The following NRF1 variants were observed in gnomAD, a reference collection of about 807,000 sequenced individuals.
NRF1 encodes alpha palindromic-binding protein.
In NRF1, 5 loss-of-function variants were observed where a neutral mutation model predicts 58.5. That is an observed-to-expected ratio of 0.09 (90% CI 0.04 to 0.18). The LOEUF (loss-of-function observed/expected upper bound fraction) is 0.18, where lower values mean the gene tolerates loss of function less well. Ranked by LOEUF, NRF1 falls within the 10% of genes least tolerant of loss-of-function variation. The probability of loss-of-function intolerance (pLI) is 1.00; values close to 1 mark genes in which losing one functional copy is unlikely to be tolerated. For synonymous variants in NRF1, 224 were observed against 246.7 expected (o/e 0.91, Z 0.86); for missense variants, 288 against 657.7 (o/e 0.44, Z 6.15).
chr7:129,641,514 G>T (rs1171090741), intron 1 of NRF1, among the ~76,000 whole-genome samples: 2 of 151,984 alleles, frequency 1.3e-5, no homozygotes, highest in Non-Finnish European at 2.9e-5. Flanking sequence ...ACCAAGTATT[G>T]TGTGCTTTCC....
intron 4 of NRF1, among the ~76,000 whole-genome samples, chr7:129,684,601 A>G (rs1309305631): frequency 6.6e-6 from 1 of 152,228 alleles, no homozygotes; most frequent in Non-Finnish European, 1.5e-5. Context: ...ATAATTCCCT[A>G]ATCTTATACC....
In NRF1 at chr7:129,736,354, T is replaced by C. The variant is rs148368817; in HGVS notation, c.1348+8989T>C. On this transcript the variant is annotated intron_variant, in intron 10 of 10. Transcript: ENST00000393232. ...TGGAGTGCAGTGGCACAATCTTAGC[T>C]CACTGCAACCTCCACCTCCTGGGTT... 2.1e-3 allele frequency among the ~76,000 whole-genome samples: 308 copies of C among 147,226 alleles called. 3 individuals are homozygous for C. The highest frequency in any genetic ancestry group is 6.9e-3 in the African/African-American group (277 of 39,898).
intron 1 of NRF1, among the ~76,000 whole-genome samples, chr7:129,625,675 A>ATTTT (rs56694598): frequency 0.021 from 1,862 of 88,952 alleles, 58 homozygotes; most frequent in East Asian, 0.042. Flanking sequence ...TAATGTTTTA[A>ATTTT]TTTTTTTTTT....
At chr7:129,743,374 G>A (rs867015393) in intron 10 of NRF1, among the ~76,000 whole-genome samples, 2 of 152,330 alleles carry the variant, frequency 1.3e-5, no homozygotes, top group African/African-American at 2.4e-5. Context: ...CCAAGAGTGT[G>A]TAAACAAGTT....
chr7:129,751,402 G>A (rs1804112161), intron 10 of NRF1, among the ~76,000 whole-genome samples: 1 of 152,178 alleles, frequency 6.6e-6, no homozygotes, highest in Admixed American at 6.5e-5. Flanking sequence ...GATGATGGCA[G>A]TATCAGCCAA....
chr7:129,722,352 G>A (rs1803346884), intron 9 of NRF1, among the ~76,000 whole-genome samples: 1 of 150,860 alleles, frequency 6.6e-6, no homozygotes, highest in South Asian at 2.1e-4. Flanking sequence ...GATCACACCA[G>A]TGCACTCCAG....
chr7:129,707,309 T>A (rs1323566790), intron 5 of NRF1, among the ~76,000 whole-genome samples: 1 of 152,214 alleles, frequency 6.6e-6, no homozygotes, highest in Non-Finnish European at 1.5e-5. Context: ...TAGGATTTTG[T>A]TAATTTAGAA....
At chr7:129,618,895 AT>A (rs553836518) in intron 1 of NRF1, among the ~76,000 whole-genome samples, 1 of 152,096 alleles carries the variant, frequency 6.6e-6, no homozygotes, top group Non-Finnish European at 1.5e-5. Context: ...TTTATACAAT[AT>A]TTTAAATAAT....
At chr7:129,675,344 T>C (rs950101984) in intron 3 of NRF1, among the ~76,000 whole-genome samples, 2 of 152,240 alleles carry the variant, frequency 1.3e-5, no homozygotes, top group African/African-American at 2.4e-5. Flanking sequence ...TCCATTAATG[T>C]TGATAGTTTG....
intron 2 of NRF1, among the ~76,000 whole-genome samples, chr7:129,670,267 C>G (rs942314986): frequency 6.6e-6 from 1 of 152,150 alleles, no homozygotes; most frequent in Non-Finnish European, 1.5e-5. Flanking sequence ...TTATAGTTAG[C>G]AATGATGTGT....
rs951635705 is a variant in NRF1, at chr7:129,756,930, CCT to C, written c.*1750_*1751del. ...GTCCAGGGACTTTAAAGTCCATGTT[CCT>C]TTGTGGTGAAATAACCTCCAAATAG... On this transcript the variant is annotated 3_prime_UTR_variant, in exon 11 of 11. Transcript: ENST00000393232. 55 of 152,440 alleles carry C rather than the reference CCT, an allele frequency of 3.6e-4. No homozygotes were observed. Among genetic ancestry groups the C allele is most frequent in the African/African-American group, 1.3e-3 (55 of 41,356 alleles). The allele number at this position is 152,440 out of a possible 1,614,324, so 9.4% of individuals were successfully genotyped here. A position where few individuals can be genotyped will look rare whatever the true frequency, so the allele number is the denominator to read the frequency against.
chr7:129,671,327 A>G (rs952796152), intron 2 of NRF1, 102 bp from the exon 3 acceptor site: 1 of 644,632 alleles, frequency 1.6e-6, no homozygotes, highest in Non-Finnish European at 2.8e-6. Context: ...ACCGACAACA[A>G]TATTAGGAAA....
At chr7:129,750,679 T>C (rs898216465) in intron 10 of NRF1, among the ~76,000 whole-genome samples, 1 of 152,228 alleles carries the variant, frequency 6.6e-6, no homozygotes, top group Non-Finnish European at 1.5e-5. Context: ...GAGCTTTGGG[T>C]GGGGACCATT....
At chr7:129,749,424 A>G (rs1489399352) in intron 10 of NRF1, among the ~76,000 whole-genome samples, 1 of 147,354 alleles carries the variant, frequency 6.8e-6, no homozygotes, top group Non-Finnish European at 1.5e-5. Context: ...CTCAAGAATG[A>G]TACACATTAA....
intron 5 of NRF1, among the ~76,000 whole-genome samples, chr7:129,702,332 C>CT (rs1326275526): frequency 6.6e-6 from 1 of 152,154 alleles, no homozygotes; most frequent in Non-Finnish European, 1.5e-5. Flanking sequence ...AGAGAGGAGT[C>CT]TAAATGAGTG....
chr7:129,705,377 G>A lies in NRF1; in HGVS notation c.607-3698G>A, dbSNP rs559550091. Among the ~76,000 whole-genome samples the A allele has an allele frequency of 2.4e-4, 37 of 152,166 alleles. No homozygotes were observed. In the South Asian group the frequency reaches 7.5e-3, roughly 31 times the overall value. Reference sequence around the variant, plus strand: ...GCGATCGTAGCTCACTGCAACCTCCGCCTCCCGGGATTAAGCGATTCTCCT... The same window carrying A: ...GCGATCGTAGCTCACTGCAACCTCCACCTCCCGGGATTAAGCGATTCTCCT... On this transcript the variant is annotated intron_variant, in intron 5 of 10. Coordinates refer to ENST00000393232, the MANE Select transcript of NRF1 (RefSeq NM_005011.5).
chr7:129,662,461 G>C (rs1445502273), intron 2 of NRF1, among the ~76,000 whole-genome samples: 3 of 148,560 alleles, frequency 2.0e-5, no homozygotes, highest in Non-Finnish European at 4.5e-5. Context: ...TCCAATAGTG[G>C]AAAAAAATTT....
At chr7:129,664,440 A>C (rs1441396112) in intron 2 of NRF1, among the ~76,000 whole-genome samples, 2 of 152,260 alleles carry the variant, frequency 1.3e-5, no homozygotes, top group Non-Finnish European at 2.9e-5. Context: ...ATTTAAGAAG[A>C]GGAAGACAGA....
intron 5 of NRF1, among the ~76,000 whole-genome samples, chr7:129,695,673 G>A (rs2151095563): frequency 6.7e-6 from 1 of 149,402 alleles, no homozygotes; most frequent in East Asian, 2.0e-4. Context: ...TCTTTTGGGA[G>A]ATTTTTTTTT....
Sources: allele counts gnomAD v4.1 joint callset (sites outside exome capture counted in the v4.1 genomes callset), GRCh38; gene constraint gnomAD v4.1.1; transcripts MANE v1.5; gene names NCBI Gene and HGNC (gene_info 2026-07-23, HGNC 2026-07-21).